The following RAB38 variants were observed in gnomAD, a reference collection of about 807,000 sequenced individuals.
RAB38 encodes ras-related protein Rab-38.
Under a neutral mutation model 18.4 loss-of-function variants are expected in RAB38, and 15 were observed. That is an observed-to-expected ratio of 0.82 (90% CI 0.55 to 1.26). The LOEUF (loss-of-function observed/expected upper bound fraction) is 1.26. Among genes scored for constraint, RAB38 ranks in the 50% most tolerant of loss-of-function variants. The pLI, the probability that RAB38 is intolerant of heterozygous loss-of-function variation, is 0.00. For synonymous variants in RAB38, 101 were observed against 104.4 expected (o/e 0.97, Z 0.20); for missense variants, 294 against 267.4 (o/e 1.10, Z -0.69).
At chr11:87,918,710 T>C in the RAB38 span, among the ~76,000 whole-genome samples, 1 of 151,620 alleles carries the variant, frequency 6.6e-6, no homozygotes, top group Admixed American at 6.6e-5. Flanking sequence ...TTTTCCCATT[T>C]TTAAATCAAG....
chr11:88,130,488 T>A (rs1207777514), intron 2 of RAB38, among the ~76,000 whole-genome samples: 1 of 152,208 alleles, frequency 6.6e-6, no homozygotes, highest in Admixed American at 6.5e-5. Flanking sequence ...CACTACAAGT[T>A]TAGCAGACTG....
the RAB38 span, among the ~76,000 whole-genome samples, chr11:87,938,627 T>TTC: frequency 7.1e-6 from 1 of 140,768 alleles, no homozygotes; most frequent in Non-Finnish European, 1.5e-5. Context: ...CCGTTTTTTT[T>TTC]TTTTTGATTT....
the RAB38 span, among the ~76,000 whole-genome samples, chr11:87,926,172 CTT>C: frequency 1.3e-5 from 2 of 151,944 alleles, no homozygotes; most frequent in African/African-American, 2.4e-5. Context: ...CCACTACCCT[CTT>C]TGACTGTCAT....
intron 2 of RAB38, among the ~76,000 whole-genome samples, chr11:88,126,703 TAAA>T (rs35278430): frequency 6.6e-6 from 1 of 150,594 alleles, no homozygotes; most frequent in African/African-American, 2.4e-5. Flanking sequence ...AGTATAATAA[TAAA>T]AAAAAAAAGA....
chr11:88,172,906 A>C (rs1433411411), intron 1 of RAB38, among the ~76,000 whole-genome samples: 3 of 152,244 alleles, frequency 2.0e-5, no homozygotes, highest in Non-Finnish European at 2.9e-5. Flanking sequence ...ACAGGTTACC[A>C]CTGAGCATTA....
the RAB38 span, among the ~76,000 whole-genome samples, chr11:87,894,748 T>C: frequency 2.0e-5 from 3 of 148,286 alleles, no homozygotes; most frequent in Admixed American, 1.4e-4. Flanking sequence ...AAAAAATATA[T>C]GTATACATTA....
At chr11:88,047,510 T>TCAAG in the RAB38 span, among the ~76,000 whole-genome samples, 6 of 152,220 alleles carry the variant, frequency 3.9e-5, no homozygotes, top group Admixed American at 2.0e-4. Context: ...TTGCCTTAAG[T>TCAAG]CAAGCCCTCA....
At chr11:88,052,416 T>C in the RAB38 span, among the ~76,000 whole-genome samples, 2 of 152,132 alleles carry the variant, frequency 1.3e-5, no homozygotes, top group Non-Finnish European at 2.9e-5. Flanking sequence ...CCAAATATTT[T>C]GGTATACGGC....
chr11:87,908,731 T>C, the RAB38 span, among the ~76,000 whole-genome samples: 1 of 152,014 alleles, frequency 6.6e-6, no homozygotes, highest in African/African-American at 2.4e-5. Context: ...TATTTACAGC[T>C]GAACAGGAAT....
downstream of RAB38, among the ~76,000 whole-genome samples, chr11:88,110,078 T>C (rs188784604): frequency 1.3e-5 from 2 of 152,304 alleles, no homozygotes; most frequent in East Asian, 3.9e-4. Flanking sequence ...CGTATGTTTA[T>C]TGCAGCACTA....
the RAB38 span, among the ~76,000 whole-genome samples, chr11:88,095,479 G>T: frequency 4.6e-5 from 7 of 151,784 alleles, no homozygotes; most frequent in Admixed American, 2.6e-4. Context: ...AAGTCACTCT[G>T]TTTTCCTCCT....
the RAB38 span, among the ~76,000 whole-genome samples, chr11:88,010,105 C>G: frequency 6.6e-6 from 1 of 152,060 alleles, no homozygotes. Flanking sequence ...GTGAAATTAT[C>G]CACTTGTGAC....
the RAB38 span, among the ~76,000 whole-genome samples, chr11:87,825,770 T>C: frequency 0.043 from 6,488 of 152,140 alleles, 451 homozygotes; most frequent in African/African-American, 0.15. Context: ...GAGAGATTAT[T>C]GATTGTATAT....
the RAB38 span, among the ~76,000 whole-genome samples, chr11:88,066,638 T>C: frequency 2.6e-5 from 4 of 152,156 alleles, no homozygotes; most frequent in Non-Finnish European, 5.9e-5. Context: ...AAAATATATC[T>C]GGATTTGACT....
At chr11:88,124,959 G>A (rs1266633767) in intron 2 of RAB38, among the ~76,000 whole-genome samples, 1 of 152,152 alleles carries the variant, frequency 6.6e-6, no homozygotes, top group Non-Finnish European at 1.5e-5. Flanking sequence ...TGACTGTCTT[G>A]TTAGTCCAGG....
intron 2 of RAB38, among the ~76,000 whole-genome samples, chr11:88,114,868 G>C (rs1315385705): frequency 6.6e-6 from 1 of 152,118 alleles, no homozygotes; most frequent in Non-Finnish European, 1.5e-5. Context: ...TGAGAATGAT[G>C]ATCTTTGCTA....
the RAB38 span, among the ~76,000 whole-genome samples, chr11:87,947,605 A>G: frequency 2.0e-5 from 3 of 152,192 alleles, no homozygotes; most frequent in Admixed American, 6.5e-5. Flanking sequence ...CTTTCTACAT[A>G]TGGCTAGCCA....
At chr11:88,165,369 C>G (rs763343043) in intron 1 of RAB38, among the ~76,000 whole-genome samples, 1 of 152,046 alleles carries the variant, frequency 6.6e-6, no homozygotes, top group Non-Finnish European at 1.5e-5. Context: ...TCTCCCATCT[C>G]TATAGTAGGG....
chr11:87,904,781 A>T, the RAB38 span, among the ~76,000 whole-genome samples: 1 of 151,654 alleles, frequency 6.6e-6, no homozygotes, highest in Non-Finnish European at 1.5e-5. Flanking sequence ...CATTCTGACT[A>T]GTGTGAAATG....
Sources: allele counts gnomAD v4.1 joint callset (sites outside exome capture counted in the v4.1 genomes callset), GRCh38; gene constraint gnomAD v4.1.1; transcripts MANE v1.5; gene names NCBI Gene and HGNC (gene_info 2026-07-23, HGNC 2026-07-21).